TBPL1: variants seen among roughly 807,000 people sequenced by gnomAD.
TBPL1 encodes the protein TATA-box binding protein like 1.
TBPL1 carries 4 observed loss-of-function variants against 22.1 expected under a neutral mutation model. The ratio of observed to expected loss-of-function variants is 0.18; its 90% CI spans 0.09 to 0.41. TBPL1 has a LOEUF of 0.41. TBPL1 is among the 10% of genes least tolerant of loss of function. The pLI, the probability that TBPL1 is intolerant of heterozygous loss-of-function variation, is 1.00. For synonymous variants in TBPL1, 64 were observed against 71.0 expected, an observed-to-expected ratio of 0.90 and a Z score of 0.50; for missense variants, 115 against 222.3, an observed-to-expected ratio of 0.52 and a Z score of 3.07.
chr6:133,981,100 G>T (rs560868463), intron 2 of TBPL1, among the ~76,000 whole-genome samples: 1 of 150,462 alleles, frequency 6.6e-6, no homozygotes, highest in South Asian at 2.1e-4. Flanking sequence ...AGCCTCCCAA[G>T]TAGCTAGGAT....
At chr6:133,980,540 T>A (rs1776390602) in intron 2 of TBPL1, among the ~76,000 whole-genome samples, 1 of 152,088 alleles carries the variant, frequency 6.6e-6, no homozygotes. Context: ...GGGACCTTTA[T>A]ATTCGCACAT....
At chr6:133,979,534 TAA>T (rs1160891900) in intron 1 of TBPL1, among the ~76,000 whole-genome samples, 1 of 152,130 alleles carries the variant, frequency 6.6e-6, no homozygotes, top group Admixed American at 6.6e-5. Context: ...TCCTGTCAAG[TAA>T]AAGTTACTTT....
chr6:133,985,308 AT>A (rs1432469095), intron 6 of TBPL1, among the ~76,000 whole-genome samples: 1 of 63,766 alleles, frequency 1.6e-5, no homozygotes, highest in Admixed American at 1.4e-4. Flanking sequence ...ATATATATAT[AT>A]ATATATATAT....
At chr6:133,984,352 T>C in intron 4 of TBPL1, 24 bp from the exon 5 acceptor site, 7 of 1,535,990 alleles carry the variant, frequency 4.6e-6, no homozygotes, top group Non-Finnish European at 5.3e-6. Flanking sequence ...AATAAATTTA[T>C]TGAATTTTAC....
chr6:133,987,120 C>A lies in TBPL1; in HGVS notation c.*80C>A. ...CATTGGACTCAAAAGGAAAACTGGA[C>A]CAACAATAATTGAGGAAATAGACTC... On this transcript the variant is annotated 3_prime_UTR_variant, in exon 7 of 7. Coordinates refer to ENST00000237264, the MANE Select transcript of TBPL1 (RefSeq NM_004865.4). 1.1e-6 allele frequency: 1 copy of A among 897,492 alleles called. No homozygotes were observed. Among genetic ancestry groups the A allele is most frequent in the Non-Finnish European group, 1.7e-6 (1 of 585,388 alleles). 55.6% of individuals were successfully genotyped at this position (897,492 alleles called of 1,614,324 possible).
At chr6:133,977,665 T>C (rs1485551148) in intron 1 of TBPL1, among the ~76,000 whole-genome samples, 1 of 152,216 alleles carries the variant, frequency 6.6e-6, no homozygotes, top group Non-Finnish European at 1.5e-5. Flanking sequence ...CAGTTAGGAT[T>C]AGGTTTGGCT....
intron 1 of TBPL1, among the ~76,000 whole-genome samples, chr6:133,971,579 GTGT>G (rs150184171): frequency 0.15 from 22,281 of 150,970 alleles, 2,144 homozygotes; most frequent in African/African-American, 0.28. Context: ...CAATACATAG[GTGT>G]TGTTGTTGTT....
chr6:133,957,620 A>G (rs921701227), intron 1 of TBPL1, among the ~76,000 whole-genome samples: 4 of 152,182 alleles, frequency 2.6e-5, no homozygotes, highest in Non-Finnish European at 4.4e-5. Flanking sequence ...TTTTCTTGAG[A>G]TTGGGATTGG....
intron 1 of TBPL1, among the ~76,000 whole-genome samples, chr6:133,962,569 T>C (rs1033620982): frequency 1.3e-4 from 20 of 152,062 alleles, no homozygotes; most frequent in African/African-American, 4.8e-4. Flanking sequence ...GCTTAATGAG[T>C]TTTGTTTGTA....
intron 4 of TBPL1, among the ~76,000 whole-genome samples, chr6:133,984,093 T>C (rs1776465128): frequency 6.6e-6 from 1 of 152,208 alleles, no homozygotes; most frequent in Admixed American, 6.5e-5. Context: ...TAGTTTTAAA[T>C]ATTTCACTTA....
chr6:133,958,950 G>C (rs548750625), intron 1 of TBPL1, among the ~76,000 whole-genome samples: 1 of 152,096 alleles, frequency 6.6e-6, no homozygotes, highest in African/African-American at 2.4e-5. Flanking sequence ...TTGTTTTCCT[G>C]TTTAAGAGAG....
chr6:133,985,797 G>A (rs1174615523), intron 6 of TBPL1: 3 of 151,852 alleles, frequency 2.0e-5, no homozygotes, highest in South Asian at 2.1e-4. Context: ...ATCTTCCTTG[G>A]GGACTTTCAA....
intron 1 of TBPL1, among the ~76,000 whole-genome samples, chr6:133,978,467 C>A (rs527485720): frequency 6.6e-6 from 1 of 152,272 alleles, no homozygotes; most frequent in Admixed American, 6.5e-5. Context: ...GTGCTTAAGA[C>A]CAATGGTAAT....
chr6:133,974,500 A>T (rs1486129218), intron 1 of TBPL1, among the ~76,000 whole-genome samples: 1 of 152,074 alleles, frequency 6.6e-6, no homozygotes. Context: ...CGCCCGGCTG[A>T]TTTTTGTATT....
At chr6:133,970,164 C>G (rs1198331070) in intron 1 of TBPL1, among the ~76,000 whole-genome samples, 1 of 152,204 alleles carries the variant, frequency 6.6e-6, no homozygotes, top group African/African-American at 2.4e-5. Context: ...TCAATTGACT[C>G]TGTCAATTTT....
At chr6:133,956,934 A>G (rs1039149974) in intron 1 of TBPL1, among the ~76,000 whole-genome samples, 1 of 152,214 alleles carries the variant, frequency 6.6e-6, no homozygotes, top group African/African-American at 2.4e-5. Context: ...CTACATAGAC[A>G]AATTTGATTT....
Position 133,982,856 on chromosome 6 carries a change from T to C in TBPL1, c.258T>C (p.Arg86=). The C allele has an allele frequency of 1.2e-6, 2 of 1,610,518 alleles. No homozygotes were observed. Among genetic ancestry groups the C allele is most frequent in the Non-Finnish European group, 1.7e-6 (2 of 1,179,036 alleles). The change falls in exon 4 of 7, where the codon CGT becomes CGC. Residue 86 remains arginine (R), a synonymous_variant. Coordinates refer to ENST00000237264, the MANE Select transcript of TBPL1 (RefSeq NM_004865.4). The part of the protein sequence containing the change: ...EAKFGARRLA[R]SLQKLGFQVI... ...AATTTGGTGCCAGACGCTTAGCCCG[T>C]AGTCTGCAGAAACTAGGTTTTCAGG...
intron 1 of TBPL1, among the ~76,000 whole-genome samples, chr6:133,955,034 T>C (rs1009669473): frequency 1.3e-5 from 2 of 152,136 alleles, no homozygotes; most frequent in South Asian, 4.1e-4. Flanking sequence ...AAGTTGCATT[T>C]TAAGACATTA....
In TBPL1 at chr6:133,989,267, A is replaced by G. The variant is rs112114073; in HGVS notation, c.*2227A>G. On this transcript the variant is annotated 3_prime_UTR_variant, in exon 7 of 7. Coordinates refer to ENST00000237264, the MANE Select transcript of TBPL1 (RefSeq NM_004865.4). ...TCCCCCTTTTTATTTTTGAAAATCAAGAAGCTTGATTTGGTGTGGTGCAAT... is the reference window on the plus strand; with the variant it reads ...TCCCCCTTTTTATTTTTGAAAATCAGGAAGCTTGATTTGGTGTGGTGCAAT... 6.6e-6 allele frequency: 1 copy of G among 152,164 alleles called. No individual in the cohort carries two copies. The highest frequency in any genetic ancestry group is 6.6e-5 in the Admixed American group (1 of 15,256). The allele number at this position is 152,164 out of a possible 1,614,324, so 9.4% of individuals were successfully genotyped here. A position where few individuals can be genotyped will look rare whatever the true frequency, so the allele number is the denominator to read the frequency against.
Sources: gnomAD v4.1 joint callset for allele counts (sites outside exome capture counted in the v4.1 genomes callset) on GRCh38, gnomAD v4.1.1 for gene constraint, MANE v1.5 for transcripts, NCBI Gene and HGNC (gene_info 2026-07-23, HGNC 2026-07-21) for gene names.